Variants in SPG7 observed in about 807,000 individuals in gnomAD.
SPG7 encodes SPG7 matrix AAA peptidase subunit, paraplegin.
Under a neutral mutation model 81.9 loss-of-function variants are expected in SPG7, and 103 were observed. That is an observed-to-expected ratio of 1.26 (90% CI 1.07 to 1.48). The LOEUF (loss-of-function observed/expected upper bound fraction) is 1.48. Among genes scored for constraint, SPG7 ranks in the 40% most tolerant of loss-of-function variants. SPG7 has a pLI of 0.00. For synonymous variants in SPG7, 534 were observed against 444.2 expected, an observed-to-expected ratio of 1.20 and a Z score of -2.54; for missense variants, 1,241 against 1,087.3, an observed-to-expected ratio of 1.14 and a Z score of -1.99.
chr16:89,510,416 A>C, intron 1 of SPG7, 74 bp from the exon 2 acceptor site: 1 of 915,010 alleles, frequency 1.1e-6, no homozygotes, highest in South Asian at 1.4e-5. Context: ...TTTAAAAACG[A>C]TTTTTAGTCT....
intron 10 of SPG7, 73 bp from the exon 11 acceptor site, chr16:89,546,585 C>G (rs982148514): frequency 1.0e-6 from 1 of 990,198 alleles, no homozygotes; most frequent in African/African-American, 1.6e-5. Flanking sequence ...CCCCCCCCCA[C>G]AGACAAACAT....
chr16:89,550,390 C>G, intron 12 of SPG7, 104 bp from the exon 13 acceptor site: 1 of 808,810 alleles, frequency 1.2e-6, no homozygotes, highest in Non-Finnish European at 2.2e-6. Flanking sequence ...TCGGGCTGGT[C>G]TCGAACTCCT....
At chr16:89,514,120 C>T (rs939724677) in intron 3 of SPG7, among the ~76,000 whole-genome samples, 1 of 152,038 alleles carries the variant, frequency 6.6e-6, no homozygotes, top group African/African-American at 2.4e-5. Flanking sequence ...CAGGTGGATT[C>T]AGTTTAGGCG....
intron 2 of SPG7, 91 bp from the exon 3 acceptor site, chr16:89,512,857 G>C: frequency 7.0e-7 from 1 of 1,430,222 alleles, no homozygotes; most frequent in Non-Finnish European, 9.8e-7. Flanking sequence ...TTTTTGTTTT[G>C]CTTTGGTTAT....
chr16:89,523,428 A>T (rs2058216906), intron 3 of SPG7: 1 of 328,346 alleles, frequency 3.0e-6, no homozygotes, highest in Non-Finnish European at 6.0e-6. Flanking sequence ...GGTTGTGGTA[A>T]AAGGTATTTG....
intron 9 of SPG7, among the ~76,000 whole-genome samples, chr16:89,535,474 C>T (rs1478086047): frequency 6.6e-6 from 1 of 152,210 alleles, no homozygotes; most frequent in African/African-American, 2.4e-5. Context: ...GCTGCTTGTC[C>T]CCCGTGTCTC....
chr16:89,508,675 C>T, intron 1 of SPG7, 75 bp downstream of exon 1: 1 of 1,354,406 alleles, frequency 7.4e-7, no homozygotes, highest in Non-Finnish European at 9.7e-7. Context: ...CGGGGCGGGT[C>T]GGAGGCCGCC....
intron 16 of SPG7, chr16:89,556,606 CTT>C (rs2058689521): frequency 2.1e-6 from 1 of 467,964 alleles, no homozygotes; most frequent in Non-Finnish European, 3.9e-6. Flanking sequence ...ACACACACGT[CTT>C]GTTTGGTGAA....
intron 16 of SPG7, chr16:89,556,686 G>A (rs542136370): frequency 4.3e-5 from 26 of 600,016 alleles, no homozygotes; most frequent in African/African-American, 2.6e-4. Context: ...GAGGCTGGCC[G>A]CCGGAAAATC....
At chr16:89,536,929 T>C in intron 9 of SPG7, 1 of 1,614,172 alleles carries the variant, frequency 6.2e-7, no homozygotes. Context: ...ACCACCTTTT[T>C]GAGTGACTTG....
rs541143764 is a variant in SPG7 at position 89,546,578 on chromosome 16, C to A, written c.1450-80C>A. ...AATCCCAGCTACTTGGGGACCCCCC[C>A]CCCCCACAGACAAACATGCCGCACC... is the stretch of plus-strand genomic sequence containing the variant. On this transcript the variant is annotated intron_variant, in intron 10 of 16. Coordinates refer to ENST00000645818, the MANE Select transcript of SPG7 (RefSeq NM_003119.4). 6.9e-4 allele frequency: 655 copies of A among 942,776 alleles called. 4 individuals are homozygous for A. The African/African-American group carries it at 8.8e-3, about 13-fold the overall frequency. The allele number at this position is 942,776 out of a possible 1,614,324, so 58.4% of individuals were successfully genotyped here. A position where few individuals can be genotyped will look rare whatever the true frequency, so the allele number is the denominator to read the frequency against.
rs1567914978 is a variant in SPG7, at chr16:89,532,513, GC to G, written c.1206del (p.Cys403AlafsTer36). On this transcript the variant is annotated frameshift_variant, in exon 9 of 17. Transcript: ENST00000645818. LOFTEE classifies it high-confidence loss of function. ...RSLFKEARAR[A>X]PCIVYIDEID... ...CCTCTTTAAGGAAGCCCGAGCCCGG[GC>G]CCCCTGCATCGTCTACATCGATGAG... is the stretch of plus-strand genomic sequence containing the variant. 1.2e-6 allele frequency: 2 copies of G among 1,613,664 alleles called. No homozygotes were observed. Among genetic ancestry groups the G allele is most frequent in the East Asian group, 2.2e-5 (1 of 44,886 alleles).
chr16:89,510,637 ACC>A (rs751580598), intron 2 of SPG7, 45 bp downstream of exon 2: 2 of 1,202,882 alleles, frequency 1.7e-6, no homozygotes, highest in African/African-American at 3.0e-5. Context: ...CTGCACACTT[ACC>A]GCCTCAGCTA....
intron 11 of SPG7, 25 bp from the exon 12 acceptor site, chr16:89,547,978 A>G: frequency 6.3e-7 from 1 of 1,588,298 alleles, no homozygotes; most frequent in South Asian, 1.1e-5. Flanking sequence ...CCACCCACCC[A>G]CACCGTGGCT....
chr16:89,536,994 A>C, intron 9 of SPG7: 2 of 1,613,510 alleles, frequency 1.2e-6, no homozygotes, highest in African/African-American at 1.3e-5. Flanking sequence ...TCTCTGTGCC[A>C]TCATAAGAAT....
Position 89,550,476 on chromosome 16 carries a change from A to G in SPG7, c.1664-18A>G, listed in dbSNP as rs1567931731. The stretch of plus-strand genomic sequence containing the variant: ...GCGTGAGCCACCGCGCCCAACTCAT[A>G]CCCCGGCATTCTTTCAGGGACTGCC... On this transcript the variant is annotated intron_variant, in intron 12 of 16. Coordinates refer to ENST00000645818, the MANE Select transcript of SPG7 (RefSeq NM_003119.4). The G allele has an allele frequency of 6.3e-7, 1 of 1,586,542 alleles. No homozygotes were observed.
chr16:89,526,258 T>A, intron 4 of SPG7, 71 bp from the exon 5 acceptor site: 1 of 1,582,774 alleles, frequency 6.3e-7, no homozygotes, highest in Non-Finnish European at 8.7e-7. Flanking sequence ...CCAGGCGGGC[T>A]CTCTGTTGAC....
chr16:89,540,585 C>G (rs1195639198), intron 9 of SPG7: 2 of 152,706 alleles, frequency 1.3e-5, no homozygotes, highest in Non-Finnish European at 2.9e-5. Context: ...GACCCCATCT[C>G]AAAAACAAAA....
intron 16 of SPG7, chr16:89,555,616 A>G (rs2058679705): frequency 2.8e-6 from 1 of 351,972 alleles, no homozygotes; most frequent in Admixed American, 4.7e-5. Flanking sequence ...CTCTGGGGTG[A>G]CAGTTCCTCA....
Sources: allele counts gnomAD v4.1 joint callset (sites outside exome capture counted in the v4.1 genomes callset), GRCh38; gene constraint gnomAD v4.1.1; transcripts MANE v1.5; gene names NCBI Gene and HGNC (gene_info 2026-07-23, HGNC 2026-07-21).